The following SLC35F1 variants were observed in gnomAD, a reference collection of about 807,000 sequenced individuals.
SLC35F1 encodes chromosome 6 open reading frame 169.
SLC35F1 carries 14 observed loss-of-function variants against 48.7 expected under a neutral mutation model. The ratio of observed to expected loss-of-function variants is 0.29; its 90% confidence interval spans 0.19 to 0.45. The LOEUF is 0.45. SLC35F1 is among the 20% of genes least tolerant of loss of function. The pLI is 1.00. For missense variants in SLC35F1, 404 were observed against 500.0 expected (o/e 0.81, Z 1.83); for synonymous variants, 190 against 202.2 (o/e 0.94, Z 0.51).
intron 2 of SLC35F1, among the ~76,000 whole-genome samples, chr6:118,191,111 C>T (rs1159755854): frequency 6.6e-6 from 1 of 152,078 alleles, no homozygotes; most frequent in Non-Finnish European, 1.5e-5. Flanking sequence ...AGAGTAAAGG[C>T]CTCCTGGAAG....
chr6:118,152,140 T>C (rs1774069445), intron 1 of SLC35F1, among the ~76,000 whole-genome samples: 1 of 152,118 alleles, frequency 6.6e-6, no homozygotes, highest in South Asian at 2.1e-4. Context: ...GGGAGTGACA[T>C]AGAAGCCAAA....
chr6:118,236,132 G>A (rs1462201832), intron 3 of SLC35F1, among the ~76,000 whole-genome samples: 1 of 152,028 alleles, frequency 6.6e-6, no homozygotes, highest in Non-Finnish European at 1.5e-5. Flanking sequence ...GCAACCTGAA[G>A]GGACAGGATT....
intron 7 of SLC35F1, among the ~76,000 whole-genome samples, chr6:118,305,093 T>TGTGTGTGTGTG (rs759051660): frequency 3.0e-5 from 4 of 133,512 alleles, no homozygotes; most frequent in Non-Finnish European, 6.4e-5. Context: ...TGTGTGTGTG[T>TGTGTGTGTGTG]TCAGAGAGAA....
intron 1 of SLC35F1, among the ~76,000 whole-genome samples, chr6:118,093,757 A>G (rs1345938760): frequency 2.0e-5 from 3 of 152,252 alleles, no homozygotes; most frequent in Non-Finnish European, 4.4e-5. Flanking sequence ...TAGACATAAG[A>G]GAAGTCAAAG....
chr6:118,138,062 A>G (rs1050861155), intron 1 of SLC35F1, among the ~76,000 whole-genome samples: 9 of 152,058 alleles, frequency 5.9e-5, no homozygotes, highest in Admixed American at 5.9e-4. Flanking sequence ...TATACCCAGG[A>G]CTTTGGGAGG....
chr6:118,165,467 A>G lies in SLC35F1; in HGVS notation c.349+10847A>G, dbSNP rs189849242. Among the ~76,000 whole-genome samples, 544 of 152,324 alleles carry G rather than the reference A, an allele frequency of 3.6e-3. 2 individuals carry two copies. Among genetic ancestry groups the G allele is most frequent in the Non-Finnish European group, 6.3e-3 (426 of 68,022 alleles). On this transcript the variant is annotated intron_variant, in intron 2 of 7. Coordinates refer to ENST00000360388, the MANE Select transcript of SLC35F1 (RefSeq NM_001029858.4). ...GTCATGTCTGGAGTAAAACACTCCC[A>G]AGTTACTATTCTTTGCTCAAGAAAA...
intron 7 of SLC35F1, among the ~76,000 whole-genome samples, chr6:118,300,964 G>A (rs769379066): frequency 6.6e-6 from 1 of 152,204 alleles, no homozygotes; most frequent in Non-Finnish European, 1.5e-5. Flanking sequence ...GTGCAGGAAT[G>A]TAGCTGTGTT....
At chr6:118,105,021 G>A (rs1447647509) in intron 1 of SLC35F1, among the ~76,000 whole-genome samples, 2 of 152,120 alleles carry the variant, frequency 1.3e-5, no homozygotes, top group Non-Finnish European at 2.9e-5. Flanking sequence ...CTGCATCTGG[G>A]TTTCTCTTGA....
At chr6:118,155,409 A>G (rs1774124186) in intron 2 of SLC35F1, among the ~76,000 whole-genome samples, 1 of 152,216 alleles carries the variant, frequency 6.6e-6, no homozygotes, top group African/African-American at 2.4e-5. Flanking sequence ...TGAATAGATT[A>G]ATGCCATTAT....
chr6:118,127,587 T>A (rs1207388992), intron 1 of SLC35F1, among the ~76,000 whole-genome samples: 3 of 152,106 alleles, frequency 2.0e-5, no homozygotes, highest in African/African-American at 7.2e-5. Context: ...TAAATGGTGC[T>A]GGGAAAACTG....
chr6:118,290,580 TAAA>T (rs2114647557), intron 7 of SLC35F1, among the ~76,000 whole-genome samples: 1 of 152,154 alleles, frequency 6.6e-6, no homozygotes, highest in East Asian at 1.9e-4. Flanking sequence ...TTATTTGCCT[TAAA>T]GAGTCTCTAA....
intron 1 of SLC35F1, among the ~76,000 whole-genome samples, chr6:118,135,816 T>C (rs1773786085): frequency 6.6e-6 from 1 of 152,192 alleles, no homozygotes; most frequent in Admixed American, 6.5e-5. Context: ...CCTCCAGATA[T>C]TTCTGTAGAG....
chr6:118,192,506 A>T (rs894208472), intron 2 of SLC35F1, among the ~76,000 whole-genome samples: 6 of 152,302 alleles, frequency 3.9e-5, no homozygotes, highest in Middle Eastern at 3.4e-3. Flanking sequence ...TGAAGTTCAG[A>T]AACTGCATTA....
At chr6:118,291,467 A>G (rs770225917) in intron 7 of SLC35F1, among the ~76,000 whole-genome samples, 6 of 152,190 alleles carry the variant, frequency 3.9e-5, no homozygotes, top group Non-Finnish European at 8.8e-5. Flanking sequence ...CTTATCAGAT[A>G]TATGGTTTGC....
At chr6:118,263,633 A>G (rs1775738437) in intron 3 of SLC35F1, among the ~76,000 whole-genome samples, 1 of 152,218 alleles carries the variant, frequency 6.6e-6, no homozygotes, top group African/African-American at 2.4e-5. Context: ...ATGCAAAGAA[A>G]GTTAAATCTA....
At chr6:118,000,182 T>C (rs2114866385) in intron 1 of SLC35F1, among the ~76,000 whole-genome samples, 1 of 152,314 alleles carries the variant, frequency 6.6e-6, no homozygotes, top group South Asian at 2.1e-4. Flanking sequence ...TTGATGAACA[T>C]TGATGCAAAA....
At chr6:118,008,205 A>G (rs1459729956) in intron 1 of SLC35F1, among the ~76,000 whole-genome samples, 2 of 152,264 alleles carry the variant, frequency 1.3e-5, no homozygotes, top group East Asian at 3.9e-4. Flanking sequence ...GTATCAAAAT[A>G]TCATATGTGC....
intron 2 of SLC35F1, among the ~76,000 whole-genome samples, chr6:118,186,879 C>A (rs111945244): frequency 0.019 from 2,949 of 152,270 alleles, 96 homozygotes; most frequent in African/African-American, 0.066. Flanking sequence ...ACAACTTGAA[C>A]CAAAGCCAGC....
intron 1 of SLC35F1, among the ~76,000 whole-genome samples, chr6:117,929,076 C>G (rs190153642): frequency 2.0e-5 from 3 of 151,968 alleles, no homozygotes; most frequent in South Asian, 2.1e-4. Context: ...ATGCAAGAAC[C>G]CTCACCCATC....
Sources: allele counts gnomAD v4.1 joint callset (sites outside exome capture counted in the v4.1 genomes callset), GRCh38; gene constraint gnomAD v4.1.1; transcripts MANE v1.5; gene names NCBI Gene and HGNC (gene_info 2026-07-23, HGNC 2026-07-21).